The following TP53BP1 variants were observed in gnomAD, a reference collection of about 807,000 sequenced individuals.
The protein encoded by TP53BP1 is tumor protein p53 binding protein 1.
TP53BP1 carries 61 observed loss-of-function variants against 200.8 expected under a neutral mutation model. That is an observed-to-expected ratio of 0.30 (90% confidence interval 0.25 to 0.38). The LOEUF is 0.38. Ranked by LOEUF, TP53BP1 falls within the 10% of genes least tolerant of loss-of-function variation. The pLI is 1.00. For synonymous variants in TP53BP1, 822 were observed against 844.3 expected (o/e 0.97, Z 0.46); for missense variants, 2,144 against 2,371.9 (o/e 0.90, Z 2.00).
At chr15:43,501,084 A>T (rs1432922938) in intron 1 of TP53BP1, among the ~76,000 whole-genome samples, 1 of 152,180 alleles carries the variant, frequency 6.6e-6, no homozygotes, top group South Asian at 2.1e-4. Context: ...CACTTAAAAC[A>T]ATACTACCAA....
chr15:43,453,030 T>C lies in TP53BP1; in HGVS notation c.2716+2862A>G, dbSNP rs145773779. Among the ~76,000 whole-genome samples the C allele has an allele frequency of 1.7e-3, 252 of 151,710 alleles. 1 individual carries two copies. The highest frequency in any genetic ancestry group is 0.014 in the Middle Eastern group (4 of 294). On this transcript the variant is annotated intron_variant, in intron 12 of 27. Transcript: ENST00000382044. ...TAACACGGTGAAACCCCGTCTCTAC[T>C]AAAAATACAAAAAATTAGCCGGACG...
At chr15:43,501,461 A>T (rs1322376706) in intron 1 of TP53BP1, among the ~76,000 whole-genome samples, 8 of 152,056 alleles carry the variant, frequency 5.3e-5, no homozygotes, top group Non-Finnish European at 1.2e-4. Flanking sequence ...CAATTCTCCC[A>T]CCTCGACCTC....
chr15:43,422,992 TCAA>T (rs967213188), intron 18 of TP53BP1, among the ~76,000 whole-genome samples: 25 of 150,788 alleles, frequency 1.7e-4, no homozygotes, highest in Admixed American at 5.3e-4. Context: ...AGACCCTGTC[TCAA>T]CAACAACAAC....
At chr15:43,455,763 AT>A in intron 12 of TP53BP1, 128 bp downstream of exon 12, 1 of 1,183,020 alleles carries the variant, frequency 8.5e-7, no homozygotes, top group Non-Finnish European at 1.2e-6. Context: ...TTTCCCAATT[AT>A]TATTGGTTGT....
intron 11 of TP53BP1, among the ~76,000 whole-genome samples, chr15:43,458,675 G>C (rs141921271): frequency 0.017 from 2,618 of 151,936 alleles, 37 homozygotes; most frequent in South Asian, 0.037. Context: ...AGCTACTCGG[G>C]AGGCTGAGGC....
chr15:43,464,303 G>A (rs1214303173), intron 11 of TP53BP1, among the ~76,000 whole-genome samples: 1 of 152,062 alleles, frequency 6.6e-6, no homozygotes, highest in Non-Finnish European at 1.5e-5. Flanking sequence ...ACAGAGATAA[G>A]ATAGTATATC....
At chr15:43,468,448 G>A (rs1430160558) in intron 11 of TP53BP1, among the ~76,000 whole-genome samples, 1 of 151,684 alleles carries the variant, frequency 6.6e-6, no homozygotes. Context: ...TTGGGATGCT[G>A]AGGTGGGAGG....
At chr15:43,500,940 A>C (rs1042486376) in intron 1 of TP53BP1, among the ~76,000 whole-genome samples, 1 of 152,164 alleles carries the variant, frequency 6.6e-6, no homozygotes, top group Non-Finnish European at 1.5e-5. Context: ...AGGCCAATGC[A>C]GGAGGATCAC....
chr15:43,420,744 A>AGATAGGG lies in TP53BP1; in HGVS notation c.4251-16_4251-10dup. The AGATAGGG allele has an allele frequency of 6.2e-7, 1 of 1,608,884 alleles. No individual in the cohort carries two copies. Among genetic ancestry groups the AGATAGGG allele is most frequent in the Non-Finnish European group, 8.5e-7 (1 of 1,177,334 alleles). ...CAGGCACAGCTGTTTCTCTAAAGAG[A>AGATAGGG]GATAGGGGATAGGAGAAGCCGGTGA... is the stretch of plus-strand genomic sequence containing the variant. On this transcript the variant is annotated splice_polypyrimidine_tract_variant and intron_variant, in intron 20 of 27. Transcript: ENST00000382044.
chr15:43,417,535 T>C (rs1263600515), intron 21 of TP53BP1, among the ~76,000 whole-genome samples: 1 of 152,206 alleles, frequency 6.6e-6, no homozygotes, highest in Non-Finnish European at 1.5e-5. Flanking sequence ...GAACTAGAAG[T>C]AGTCTAGTGT....
chr15:43,470,575 G>A (rs554228545), intron 10 of TP53BP1, among the ~76,000 whole-genome samples: 1 of 152,006 alleles, frequency 6.6e-6, no homozygotes, highest in East Asian at 1.9e-4. Context: ...AAATACAGAT[G>A]AAGAAAAAAA....
At chr15:43,443,912 A>G (rs999603346) in intron 14 of TP53BP1, among the ~76,000 whole-genome samples, 3 of 152,218 alleles carry the variant, frequency 2.0e-5, no homozygotes, top group African/African-American at 7.2e-5. Context: ...AACATAATCT[A>G]AACAGTCCAT....
intron 17 of TP53BP1, among the ~76,000 whole-genome samples, chr15:43,430,674 C>G (rs1318931130): frequency 2.0e-5 from 3 of 152,078 alleles, no homozygotes; most frequent in African/African-American, 7.2e-5. Context: ...GTGCCAAGAC[C>G]CCCAGTGGAT....
chr15:43,481,458 A>AAT (rs1555408637), intron 4 of TP53BP1, among the ~76,000 whole-genome samples: 1 of 65,218 alleles, frequency 1.5e-5, no homozygotes, highest in Non-Finnish European at 2.8e-5. Context: ...TATGTATATA[A>AAT]ATACACACAC....
At chr15:43,454,853 T>C (rs1460763923) in intron 12 of TP53BP1, among the ~76,000 whole-genome samples, 1 of 152,218 alleles carries the variant, frequency 6.6e-6, no homozygotes, top group East Asian at 1.9e-4. Flanking sequence ...TGCCTCAGCC[T>C]CCCGAGTAGC....
At chr15:43,414,247 C>T in intron 23 of TP53BP1, 1 of 403,996 alleles carries the variant, frequency 2.5e-6, no homozygotes, top group Non-Finnish European at 5.1e-6. Context: ...GAAAGTTAGC[C>T]AACTTTTCTG....
chr15:43,491,755 T>TA lies in TP53BP1; in HGVS notation c.287-3_287-2insT. Reference sequence around the variant, plus strand: ...CCAAGTTAGAAGAATCCACAGGGTCTGAAAAAAATAACTGGATATTAGCAT... The same window carrying TA: ...CCAAGTTAGAAGAATCCACAGGGTCTAGAAAAAAATAACTGGATATTAGCAT... On this transcript the variant is annotated splice_region_variant and splice_polypyrimidine_tract_variant and intron_variant, in intron 3 of 27. Transcript: ENST00000382044. 2 of 1,612,702 alleles carry TA rather than the reference T, an allele frequency of 1.2e-6. No individual in the cohort carries two copies. The highest frequency in any genetic ancestry group is 1.7e-6 in the Non-Finnish European group (2 of 1,178,800).
intron 14 of TP53BP1, among the ~76,000 whole-genome samples, chr15:43,444,588 G>C (rs1382068208): frequency 6.6e-6 from 1 of 152,178 alleles, no homozygotes; most frequent in Non-Finnish European, 1.5e-5. Context: ...GTTTAGGGAA[G>C]GCGCTCAACC....
chr15:43,491,733 A>T lies in TP53BP1; in HGVS notation c.307T>A (p.Leu103Met). ...TGACTGATGGAACCACATGTGTCCA[A>T]GTTAGAAGAATCCACAGGGTCTGAA... ...KVADPVDSSN[L>M]DTCGSISQVI... Residue 103 changes from leucine to methionine, a missense_variant, in exon 4 of 28, where the codon TTG becomes ATG. By Grantham distance (15) the Leu-to-Met change is conservative. Coordinates refer to ENST00000382044, the MANE Select transcript of TP53BP1 (RefSeq NM_001141980.3). 1 of 1,614,072 alleles carries T rather than the reference A, an allele frequency of 6.2e-7. No individual in the cohort carries two copies. Among genetic ancestry groups the T allele is most frequent in the African/African-American group, 1.3e-5 (1 of 75,060 alleles).
Sources: gnomAD v4.1 joint callset for allele counts (sites outside exome capture counted in the v4.1 genomes callset) on GRCh38, gnomAD v4.1.1 for gene constraint, MANE v1.5 for transcripts, NCBI Gene and HGNC (gene_info 2026-07-23, HGNC 2026-07-21) for gene names.